DTWD2: variants seen among roughly 807,000 people sequenced by gnomAD.
The protein encoded by DTWD2 is tRNA-uridine aminocarboxypropyltransferase 2.
A neutral mutation model predicts 31.8 loss-of-function variants in DTWD2; 39 were observed. The ratio of observed to expected loss-of-function variants is 1.22; its 90% CI spans 0.95 to 1.60. The LOEUF is 1.60. Ranked by LOEUF, DTWD2 falls within the 40% of genes most tolerant of loss-of-function variation. DTWD2 has a pLI of 0.00. For synonymous variants in DTWD2, 180 were observed against 142.8 expected, an observed-to-expected ratio of 1.26 and a Z score of -1.86; for missense variants, 515 against 381.5, an observed-to-expected ratio of 1.35 and a Z score of -2.92.
chr5:118,882,140 A>T (rs993566214), intron 4 of DTWD2, among the ~76,000 whole-genome samples: 3 of 152,204 alleles, frequency 2.0e-5, no homozygotes, highest in Non-Finnish European at 4.4e-5. Context: ...TCCCATCCCA[A>T]ATGGGAGAAA....
In DTWD2 at chr5:118,913,888, A is replaced by T. The variant is rs116209742; in HGVS notation, c.597+14649T>A. Among the ~76,000 whole-genome samples, 306 of 152,284 alleles carry T rather than the reference A, an allele frequency of 2.0e-3. 2 individuals are homozygous for T. The highest frequency in any genetic ancestry group is 3.3e-3 in the Non-Finnish European group (224 of 68,012). ...AACAAAAACTGCCGATTAGGCTGGT[A>T]GTATAGTGGTTTTTATTTTCATTTT... is the stretch of plus-strand genomic sequence containing the variant. On this transcript the variant is annotated intron_variant, in intron 4 of 5. Transcript: ENST00000510708.
chr5:118,945,557 G>C (rs1754313078), intron 1 of DTWD2, among the ~76,000 whole-genome samples: 1 of 152,082 alleles, frequency 6.6e-6, no homozygotes, highest in South Asian at 2.1e-4. Context: ...CTGAGGTCAA[G>C]AGTTCAAGAC....
chr5:118,985,972 G>T (rs1047847786), intron 1 of DTWD2, among the ~76,000 whole-genome samples: 13 of 152,104 alleles, frequency 8.5e-5, no homozygotes, highest in African/African-American at 3.1e-4. Context: ...ATATTCAGGA[G>T]AACTGAAGTC....
chr5:118,876,773 A>G (rs1752630539), intron 4 of DTWD2, among the ~76,000 whole-genome samples: 1 of 152,238 alleles, frequency 6.6e-6, no homozygotes, highest in Non-Finnish European at 1.5e-5. Context: ...GACCAGATGG[A>G]TTCACAGCTG....
chr5:118,942,954 C>A (rs113260562), intron 2 of DTWD2, among the ~76,000 whole-genome samples: 2,672 of 152,188 alleles, frequency 0.018, 40 homozygotes, highest in Non-Finnish European at 0.03. Flanking sequence ...AGGCATACAC[C>A]ACCACACTTG....
At chr5:118,863,224 T>A (rs927504189) in intron 4 of DTWD2, among the ~76,000 whole-genome samples, 4 of 152,188 alleles carry the variant, frequency 2.6e-5, no homozygotes, top group African/African-American at 7.2e-5. Flanking sequence ...TGTTCCAAAT[T>A]ATAAAAACAA....
chr5:118,930,319 C>T (rs896123514), intron 3 of DTWD2, among the ~76,000 whole-genome samples: 1 of 151,896 alleles, frequency 6.6e-6, no homozygotes, highest in African/African-American at 2.4e-5. Context: ...CCTTTGCCCA[C>T]AAGCAAAAAA....
chr5:118,983,286 T>A (rs1755348661), intron 1 of DTWD2, among the ~76,000 whole-genome samples: 1 of 152,186 alleles, frequency 6.6e-6, no homozygotes, highest in Non-Finnish European at 1.5e-5. Context: ...CTTAACCAAC[T>A]GCTGCTCAGG....
chr5:118,935,562 A>C (rs543430768), intron 3 of DTWD2, among the ~76,000 whole-genome samples: 1 of 152,318 alleles, frequency 6.6e-6, no homozygotes, highest in Non-Finnish European at 1.5e-5. Context: ...AAATCCTCAC[A>C]TATTTGGGGG....
In DTWD2 at chr5:118,988,390, G is replaced by A. The variant is rs1204797215; in HGVS notation, c.122C>T (p.Ala41Val). The A allele has an allele frequency of 6.3e-7, 1 of 1,589,950 alleles. No homozygotes were observed. Among genetic ancestry groups the A allele is most frequent in the Non-Finnish European group, 8.5e-7 (1 of 1,170,794 alleles). ...RREGGAVPAA[A>V]ALGAEADDDS... is the part of the protein sequence containing the mutation. ...GTCGTCCGCCTCTGCGCCCAGGGCA[G>A]CCGCCGCCGGCACTGCGCCGCCCTC... The change falls in exon 1 of 6, where the codon GCT becomes GTT. Residue 41 changes from alanine to valine, a missense_variant. Transcript: ENST00000510708.
Position 118,979,857 on chromosome 5 carries a change from G to A in DTWD2, c.218+8437C>T, listed in dbSNP as rs572022099. 2.0e-5 allele frequency among the ~76,000 whole-genome samples: 3 copies of A among 152,342 alleles called. No homozygotes were observed. In the South Asian group the frequency reaches 6.2e-4, roughly 32 times the overall value. ...AAATTGGGGCCTGTCAGGAGGGCAG[G>A]GGGTGGGAGAGCATCAGGAAGAATA... is the stretch of plus-strand genomic sequence containing the variant. On this transcript the variant is annotated intron_variant, in intron 1 of 5. Coordinates refer to ENST00000510708, the MANE Select transcript of DTWD2 (RefSeq NM_173666.4).
intron 4 of DTWD2, among the ~76,000 whole-genome samples, chr5:118,864,859 A>G (rs1247395060): frequency 6.6e-6 from 1 of 152,118 alleles, no homozygotes; most frequent in Non-Finnish European, 1.5e-5. Flanking sequence ...CATAATGCTC[A>G]CTTACAGAAC....
chr5:118,921,453 G>C (rs1753701788), intron 4 of DTWD2, among the ~76,000 whole-genome samples: 3 of 150,784 alleles, frequency 2.0e-5, no homozygotes, highest in Admixed American at 6.6e-5. Context: ...CTAGGAGTTG[G>C]AAGCTGCAGT....
intron 4 of DTWD2, among the ~76,000 whole-genome samples, chr5:118,858,462 C>G (rs1323602432): frequency 6.6e-6 from 1 of 152,184 alleles, no homozygotes; most frequent in Admixed American, 6.5e-5. Flanking sequence ...TTTTCGGTGT[C>G]TGTTTTAGAA....
At chr5:118,843,139 T>G (rs1391817730) in intron 5 of DTWD2, among the ~76,000 whole-genome samples, 10 of 151,864 alleles carry the variant, frequency 6.6e-5, no homozygotes, top group Admixed American at 6.6e-4. Context: ...GTATTTTTAG[T>G]AGAGACGGGG....
intron 1 of DTWD2, among the ~76,000 whole-genome samples, chr5:118,960,324 A>C (rs1754678091): frequency 6.6e-6 from 1 of 152,218 alleles, no homozygotes; most frequent in Non-Finnish European, 1.5e-5. Context: ...CATATGAAAA[A>C]ATGCTCAACA....
chr5:118,923,710 G>A (rs903821145), intron 4 of DTWD2, among the ~76,000 whole-genome samples: 1 of 152,042 alleles, frequency 6.6e-6, no homozygotes, highest in Admixed American at 6.6e-5. Context: ...ACTCTGAAAC[G>A]TGCCTCGGTC....
chr5:118,950,104 G>A (rs150223907), intron 1 of DTWD2, among the ~76,000 whole-genome samples: 88 of 149,246 alleles, frequency 5.9e-4, no homozygotes, highest in African/African-American at 1.9e-3. Flanking sequence ...CAGCTATTCA[G>A]GAGGTTGAGG....
chr5:118,898,272 C>T lies in DTWD2; in HGVS notation c.597+30265G>A, dbSNP rs189553168. On this transcript the variant is annotated intron_variant, in intron 4 of 5. Coordinates refer to ENST00000510708, the MANE Select transcript of DTWD2 (RefSeq NM_173666.4). ...AGAAACTATATTACACCACTTGATA[C>T]GTAATCATTTAATGGTCAGTTGCTA... is the stretch of plus-strand genomic sequence containing the variant. Among the ~76,000 whole-genome samples the T allele has an allele frequency of 1.6e-4, 25 of 152,154 alleles. No homozygotes were observed. The East Asian group carries it at 3.7e-3, about 22-fold the overall frequency.
Sources: gnomAD v4.1 joint callset for allele counts (sites outside exome capture counted in the v4.1 genomes callset) on GRCh38, gnomAD v4.1.1 for gene constraint, MANE v1.5 for transcripts, NCBI Gene and HGNC (gene_info 2026-07-23, HGNC 2026-07-21) for gene names.